Variants in ATE1 observed in about 807,000 individuals in gnomAD.
ATE1 encodes arginyl-tRNA--protein transferase 1.
A neutral mutation model predicts 70.5 loss-of-function variants in ATE1; 36 were observed. The observed-to-expected ratio is 0.51, with a 90% CI of 0.39 to 0.67. The LOEUF (loss-of-function observed/expected upper bound fraction) is 0.67, where lower values mean the gene tolerates loss of function less well. Among genes scored for constraint, ATE1 ranks in the 30% least tolerant of loss-of-function variants. The pLI is 0.00. For missense variants in ATE1, 593 were observed against 629.5 expected (o/e 0.94, Z 0.62); for synonymous variants, 232 against 219.3 (o/e 1.06, Z -0.51).
In ATE1 at chr10:121,899,869, G is replaced by A. The variant is rs1472522255; in HGVS notation, c.939C>T (p.Ser313=). The A allele has an allele frequency of 1.2e-6, 2 of 1,611,928 alleles. No homozygotes were observed. Among genetic ancestry groups the A allele is most frequent in the Admixed American group, 1.7e-5 (1 of 59,710 alleles). The change falls in exon 7 of 12, where the codon AGC becomes AGT. Residue 313 remains serine (S), a synonymous_variant. Transcript: ENST00000224652. ...AAATTACACTTGGCCTGCTGACCTG[G>A]CTTTCGGTTGGCGTATCAGGTGGGT... is the stretch of plus-strand genomic sequence containing the variant. ...HKNPPDTPTE[S]QFTRFLCSSP...
chr10:121,859,255 A>G (rs1461239023), intron 8 of ATE1, among the ~76,000 whole-genome samples: 1 of 66,302 alleles, frequency 1.5e-5, no homozygotes. Flanking sequence ...ATTTTATTTT[A>G]TTTTATTTTT....
At chr10:121,865,491 T>C (rs1324788925) in intron 8 of ATE1, among the ~76,000 whole-genome samples, 1 of 152,204 alleles carries the variant, frequency 6.6e-6, no homozygotes, top group South Asian at 2.1e-4. Context: ...GGCTCTGATA[T>C]ATAATCCCTT....
chr10:121,843,777 A>T (rs1948716805), intron 8 of ATE1, among the ~76,000 whole-genome samples: 1 of 152,122 alleles, frequency 6.6e-6, no homozygotes. Context: ...CACAAAAATT[A>T]ACTCAAAATG....
chr10:121,912,423 G>A (rs983087300), intron 4 of ATE1, among the ~76,000 whole-genome samples: 1 of 151,342 alleles, frequency 6.6e-6, no homozygotes, highest in Non-Finnish European at 1.5e-5. Flanking sequence ...AGGCCAAGGC[G>A]GGCAGGTCAC....
intron 7 of ATE1, among the ~76,000 whole-genome samples, chr10:121,874,384 A>G (rs1949961222): frequency 6.6e-6 from 1 of 152,214 alleles, no homozygotes; most frequent in Non-Finnish European, 1.5e-5. Flanking sequence ...ATTCCACAAA[A>G]GAAAAAAGTT....
intron 11 of ATE1, among the ~76,000 whole-genome samples, chr10:121,771,181 CTA>C (rs1945502604): frequency 6.6e-6 from 1 of 152,208 alleles, no homozygotes; most frequent in Admixed American, 6.5e-5. Context: ...AAGCAATTCT[CTA>C]TCTCAGCCTC....
chr10:121,888,661 T>C (rs1950484068), intron 7 of ATE1, among the ~76,000 whole-genome samples: 1 of 150,066 alleles, frequency 6.7e-6, no homozygotes, highest in Non-Finnish European at 1.5e-5. Flanking sequence ...GTCCGTATGT[T>C]TACCAAAAGG....
intron 3 of ATE1, among the ~76,000 whole-genome samples, chr10:121,917,671 A>G (rs796281176): frequency 5.3e-5 from 8 of 152,338 alleles, no homozygotes; most frequent in African/African-American, 1.7e-4. Context: ...TTACAATTAT[A>G]TAAGCATGTT....
In ATE1 at chr10:121,913,838, T is replaced by G. The variant is rs1284241929; in HGVS notation, c.289A>C (p.Met97Leu). 6.2e-7 allele frequency: 1 copy of G among 1,610,892 alleles called. No homozygotes were observed. The highest frequency in any genetic ancestry group is 8.5e-7 in the Non-Finnish European group (1 of 1,177,560). ...SKSHKKVLKKMLKFLAKGEVP... is the reference protein window; with the variant it reads ...SKSHKKVLKKLLKFLAKGEVP... ...TCCCCTTTAGCTAGAAATTTCAACA[T>G]TTTTTTCAAAACCTTCTTGTGAGAT... Residue 97 changes from methionine to leucine, a missense_variant, in exon 4 of 12, where the codon ATG becomes CTG. Around this residue, in one of 3 missense-constraint regions of ATE1, gnomAD observed 467 missense variants for 469.6 expected, o/e 0.99. Transcript: ENST00000224652.
chr10:121,757,537 T>C (rs1218946776), intron 11 of ATE1, among the ~76,000 whole-genome samples: 1 of 152,158 alleles, frequency 6.6e-6, no homozygotes, highest in Non-Finnish European at 1.5e-5. Context: ...TTAATTGGAC[T>C]TACAGTTCCA....
At chr10:121,880,575 A>G (rs12250677) in intron 7 of ATE1, among the ~76,000 whole-genome samples, 19,849 of 149,098 alleles carry the variant, frequency 0.13, 1,519 homozygotes, top group East Asian at 0.19. Context: ...ATATACATAT[A>G]TATGTATATA....
At chr10:121,803,208 G>T (rs1232310630) in intron 10 of ATE1, among the ~76,000 whole-genome samples, 1 of 152,138 alleles carries the variant, frequency 6.6e-6, no homozygotes, top group African/African-American at 2.4e-5. Flanking sequence ...CTATGCATAT[G>T]AAGAATTCCT....
At chr10:121,827,534 T>C (rs1042502190) in intron 10 of ATE1, among the ~76,000 whole-genome samples, 2 of 152,126 alleles carry the variant, frequency 1.3e-5, no homozygotes, top group African/African-American at 4.8e-5. Context: ...CAGTTGAAAA[T>C]ACAATTTCCA....
chr10:121,855,435 T>C (rs1182940629), intron 8 of ATE1, among the ~76,000 whole-genome samples: 5 of 152,192 alleles, frequency 3.3e-5, no homozygotes, highest in Admixed American at 1.3e-4. Flanking sequence ...TAATTGTATA[T>C]TTGTGAGTTA....
At chr10:121,815,716 T>C (rs1176171408) in intron 10 of ATE1, among the ~76,000 whole-genome samples, 1 of 152,184 alleles carries the variant, frequency 6.6e-6, no homozygotes, top group East Asian at 1.9e-4. Context: ...CTGTAGGTTC[T>C]TATTTGAAAG....
intron 10 of ATE1, among the ~76,000 whole-genome samples, chr10:121,820,896 T>G (rs1947767192): frequency 6.6e-6 from 1 of 152,272 alleles, no homozygotes; most frequent in Non-Finnish European, 1.5e-5. Context: ...TTTATTGTAC[T>G]AAATTGTAAA....
chr10:121,772,643 T>C (rs1257379456), intron 11 of ATE1, among the ~76,000 whole-genome samples: 1 of 152,210 alleles, frequency 6.6e-6, no homozygotes, highest in Non-Finnish European at 1.5e-5. Flanking sequence ...TCATGCTCCA[T>C]ACCCAAGCTC....
chr10:121,757,872 A>T (rs900806555), intron 11 of ATE1, among the ~76,000 whole-genome samples: 6 of 152,284 alleles, frequency 3.9e-5, no homozygotes, highest in South Asian at 2.1e-4. Flanking sequence ...ATATTCCCTC[A>T]TATTTGTGTG....
chr10:121,833,375 T>C (rs1038339054), intron 10 of ATE1, among the ~76,000 whole-genome samples: 1 of 152,186 alleles, frequency 6.6e-6, no homozygotes, highest in African/African-American at 2.4e-5. Flanking sequence ...TTTCATTCAT[T>C]AGTTCAACAA....
Sources: allele counts gnomAD v4.1 joint callset (sites outside exome capture counted in the v4.1 genomes callset), GRCh38; gene constraint gnomAD v4.1.1; regional missense constraint gnomAD v4.1.1; transcripts MANE v1.5; gene names NCBI Gene and HGNC (gene_info 2026-07-23, HGNC 2026-07-21).